FAM163A: variants seen among roughly 807,000 people sequenced by gnomAD.
FAM163A encodes protein FAM163A.
FAM163A carries 7 observed loss-of-function variants against 12.0 expected under a neutral mutation model. The observed-to-expected ratio is 0.58, with a 90% CI of 0.33 to 1.10. The LOEUF (loss-of-function observed/expected upper bound fraction) is 1.10, where lower values mean the gene tolerates loss of function less well. Among genes scored for constraint, FAM163A ranks in the 50% least tolerant of loss-of-function variants. FAM163A has a pLI of 0.03. For synonymous variants in FAM163A, 101 were observed against 91.0 expected (o/e 1.11, Z -0.62); for missense variants, 202 against 218.6 (o/e 0.92, Z 0.48).
intron 1 of FAM163A, among the ~76,000 whole-genome samples, chr1:179,803,609 C>A (rs915963951): frequency 2.0e-5 from 3 of 152,028 alleles, no homozygotes; most frequent in Non-Finnish European, 4.4e-5. Context: ...GCTCTTGTTG[C>A]CCAGGCTGGA....
intron 1 of FAM163A, among the ~76,000 whole-genome samples, chr1:179,773,942 A>G (rs1688605891): frequency 6.6e-6 from 1 of 152,254 alleles, no homozygotes; most frequent in African/African-American, 2.4e-5. Context: ...TGAAAGGGGC[A>G]GTGAGCAAAG....
intron 1 of FAM163A, among the ~76,000 whole-genome samples, chr1:179,749,258 C>T (rs1684929555): frequency 6.6e-6 from 1 of 152,186 alleles, no homozygotes; most frequent in African/African-American, 2.4e-5. Context: ...AAAGCATGGT[C>T]TCTATACTCC....
intron 1 of FAM163A, among the ~76,000 whole-genome samples, chr1:179,798,619 G>C (rs1034214162): frequency 1.3e-5 from 2 of 152,200 alleles, no homozygotes; most frequent in Non-Finnish European, 2.9e-5. Context: ...GCTTTTTAAG[G>C]TCTCCTACCC....
At chr1:179,740,002 A>G (rs1057195605), upstream of FAM163A, among the ~76,000 whole-genome samples, 3 of 152,354 alleles carry the variant, frequency 2.0e-5, no homozygotes, top group Non-Finnish European at 2.9e-5. Context: ...ACAGGCTGGC[A>G]GTCTCTTTAA....
chr1:179,749,823 C>T (rs894099282), intron 1 of FAM163A, among the ~76,000 whole-genome samples: 24 of 152,094 alleles, frequency 1.6e-4, no homozygotes, highest in Non-Finnish European at 1.6e-4. Flanking sequence ...CATGCCACTG[C>T]GCTCCAGCCT....
At position 179,813,085 on chromosome 1, in the gene FAM163A, G is replaced by C; in HGVS notation, c.-13G>C. ...CCGCACATCTTTGCAGAGTTTGATG[G>C]GGCGCCGGGCGGATGACAGCGGGAA... is the stretch of plus-strand genomic sequence containing the variant. On this transcript the variant is annotated 5_prime_UTR_variant, in exon 4 of 5. Transcript: ENST00000341785. The C allele has an allele frequency of 6.4e-7, 1 of 1,551,610 alleles. No homozygotes were observed. The highest frequency in any genetic ancestry group is 8.7e-7 in the Non-Finnish European group (1 of 1,146,946).
rs116243680 is a variant in FAM163A at position 179,797,901 on chromosome 1, G to A, written c.-135-9897G>A. 9.1e-3 allele frequency among the ~76,000 whole-genome samples: 1,392 copies of A among 152,218 alleles called. 22 individuals carry two copies. The highest frequency in any genetic ancestry group is 0.032 in the African/African-American group (1,314 of 41,538). On this transcript the variant is annotated intron_variant, in intron 1 of 4. Transcript: ENST00000341785. ...ATAGGAACCATATGTGTTGATGTGC[G>A]GTTGACTTGAGCATGTGTGTGTATA...
At chr1:179,780,601 C>T (rs907071685) in intron 1 of FAM163A, among the ~76,000 whole-genome samples, 1 of 152,302 alleles carries the variant, frequency 6.6e-6, no homozygotes, top group Non-Finnish European at 1.5e-5. Flanking sequence ...TCTCAAGACT[C>T]ACCCCAGACC....
chr1:179,734,393 G>C, the FAM163A span, among the ~76,000 whole-genome samples: 2 of 151,996 alleles, frequency 1.3e-5, no homozygotes, highest in Admixed American at 6.6e-5. Context: ...CCAAATGGAA[G>C]AAATTAAACG....
At chr1:179,735,577 C>T in the FAM163A span, among the ~76,000 whole-genome samples, 1 of 138,344 alleles carries the variant, frequency 7.2e-6, no homozygotes, top group Non-Finnish European at 1.5e-5. Context: ...GATCTCCACT[C>T]ACCGCAAGCT....
At chr1:179,782,364 G>A (rs1320042242) in intron 1 of FAM163A, among the ~76,000 whole-genome samples, 4 of 152,098 alleles carry the variant, frequency 2.6e-5, no homozygotes, top group South Asian at 2.1e-4. Flanking sequence ...CAGAGATGGG[G>A]AAGGGGAGAA....
At chr1:179,732,262 C>G in the FAM163A span, among the ~76,000 whole-genome samples, 1 of 152,162 alleles carries the variant, frequency 6.6e-6, no homozygotes, top group South Asian at 2.1e-4. Flanking sequence ...ACTTTTTGTT[C>G]AAGAACAGAT....
At chr1:179,776,209 A>G (rs886595737) in intron 1 of FAM163A, among the ~76,000 whole-genome samples, 1 of 152,116 alleles carries the variant, frequency 6.6e-6, no homozygotes, top group Non-Finnish European at 1.5e-5. Flanking sequence ...GAAACCACCT[A>G]CTGGCCAGGT....
intron 1 of FAM163A, among the ~76,000 whole-genome samples, chr1:179,802,913 G>T (rs899137054): frequency 7.2e-5 from 11 of 152,042 alleles, no homozygotes; most frequent in African/African-American, 2.7e-4. Context: ...TTGATGATTT[G>T]CAAGAGTCTT....
At chr1:179,775,427 T>C (rs1297830342) in intron 1 of FAM163A, among the ~76,000 whole-genome samples, 1 of 152,252 alleles carries the variant, frequency 6.6e-6, no homozygotes, top group African/African-American at 2.4e-5. Flanking sequence ...GGGAGTAGCC[T>C]CTGGTCCTTT....
At chr1:179,799,971 C>T (rs1399276610) in intron 1 of FAM163A, among the ~76,000 whole-genome samples, 6 of 152,214 alleles carry the variant, frequency 3.9e-5, no homozygotes, top group Non-Finnish European at 8.8e-5. Flanking sequence ...TGCTGTGTGA[C>T]ACTCTGCAGC....
At chr1:179,732,640 A>C in the FAM163A span, among the ~76,000 whole-genome samples, 1 of 152,062 alleles carries the variant, frequency 6.6e-6, no homozygotes, top group African/African-American at 2.4e-5. Flanking sequence ...CCAGCACTTT[A>C]GGAGGATGAG....
At chr1:179,745,188 G>A (rs1684295469) in intron 1 of FAM163A, among the ~76,000 whole-genome samples, 1 of 152,068 alleles carries the variant, frequency 6.6e-6, no homozygotes, top group Non-Finnish European at 1.5e-5. Flanking sequence ...GGAGGGTCCT[G>A]CTGGGGCATC....
chr1:179,798,284 A>C (rs962644987), intron 1 of FAM163A, among the ~76,000 whole-genome samples: 1 of 151,916 alleles, frequency 6.6e-6, no homozygotes, highest in Non-Finnish European at 1.5e-5. Context: ...TCTCTAAGTG[A>C]GGGTGGAAGT....
Sources: allele counts gnomAD v4.1 joint callset (sites outside exome capture counted in the v4.1 genomes callset), GRCh38; gene constraint gnomAD v4.1.1; transcripts MANE v1.5; gene names NCBI Gene and HGNC (gene_info 2026-07-23, HGNC 2026-07-21).